The following GALNTL6 variants were observed in gnomAD, a reference collection of about 807,000 sequenced individuals.
GALNTL6 encodes polypeptide N-acetylgalactosaminyltransferase-like 6.
A neutral mutation model predicts 73.7 loss-of-function variants in GALNTL6; 46 were observed. That is an observed-to-expected ratio of 0.62 (90% CI 0.49 to 0.80). The LOEUF (loss-of-function observed/expected upper bound fraction) is 0.80, where lower values mean the gene tolerates loss of function less well. GALNTL6 is among the 30% of genes least tolerant of loss of function. The pLI, the probability that GALNTL6 is intolerant of heterozygous loss-of-function variation, is 0.00. For missense variants in GALNTL6, 604 were observed against 755.0 expected (o/e 0.80, Z 2.34); for synonymous variants, 259 against 263.7 (o/e 0.98, Z 0.17).
intron 7 of GALNTL6, among the ~76,000 whole-genome samples, chr4:172,870,484 G>A (rs1744868821): frequency 6.6e-6 from 1 of 152,158 alleles, no homozygotes; most frequent in Admixed American, 6.5e-5. Flanking sequence ...CGTTTCTTCT[G>A]TATTTTACAA....
intron 5 of GALNTL6, among the ~76,000 whole-genome samples, chr4:172,612,295 A>C (rs1048471662): frequency 6.6e-6 from 1 of 152,118 alleles, no homozygotes; most frequent in African/African-American, 2.4e-5. Context: ...TATGTCAAAT[A>C]TGAATCGGTA....
At chr4:172,737,482 T>A (rs1223305249) in intron 5 of GALNTL6, among the ~76,000 whole-genome samples, 3 of 152,162 alleles carry the variant, frequency 2.0e-5, no homozygotes, top group African/African-American at 7.2e-5. Context: ...ATTATTTCAA[T>A]TTTTTGCTAA....
At chr4:171,986,681 A>T (rs1031478376) in intron 2 of GALNTL6, among the ~76,000 whole-genome samples, 8 of 152,114 alleles carry the variant, frequency 5.3e-5, no homozygotes, top group African/African-American at 1.9e-4. Flanking sequence ...TTGTTAGAAG[A>T]AACATTTATT....
chr4:171,969,395 C>T (rs538695579), intron 2 of GALNTL6, among the ~76,000 whole-genome samples: 15 of 152,274 alleles, frequency 9.9e-5, no homozygotes, highest in South Asian at 4.1e-4. Context: ...AGGATTACAT[C>T]ACCATGTGTA....
Position 172,507,415 on chromosome 4 carries a change from G to A in GALNTL6, c.553+158726G>A, listed in dbSNP as rs139126522. 3.6e-3 allele frequency among the ~76,000 whole-genome samples: 196 copies of A among 53,890 alleles called. 95 individuals carry two copies. The East Asian group carries it at 0.47, about 130-fold the overall frequency. The allele number at this position is 53,890 out of a possible 152,430, so 35.4% of individuals were successfully genotyped here. ...GGAGGCAGAAGGGCAGAAGAAGGTCGGGAAAAAACCTCTGAGGCTGTTTAT... is the reference window on the plus strand; with the variant it reads ...GGAGGCAGAAGGGCAGAAGAAGGTCAGGAAAAAACCTCTGAGGCTGTTTAT... On this transcript the variant is annotated intron_variant, in intron 5 of 12. Transcript: ENST00000506823.
At chr4:172,967,865 C>T (rs913890056) in intron 10 of GALNTL6, among the ~76,000 whole-genome samples, 4 of 152,132 alleles carry the variant, frequency 2.6e-5, no homozygotes, top group East Asian at 1.9e-4. Flanking sequence ...CCAAGAATAA[C>T]GGGGGACTAC....
chr4:172,375,923 C>A (rs1476987455), intron 5 of GALNTL6, among the ~76,000 whole-genome samples: 1 of 152,184 alleles, frequency 6.6e-6, no homozygotes, highest in Non-Finnish European at 1.5e-5. Context: ...GGGCCATACC[C>A]TGAGGGAGGG....
intron 10 of GALNTL6, among the ~76,000 whole-genome samples, chr4:172,981,851 G>C (rs1407354327): frequency 1.4e-5 from 2 of 144,754 alleles, no homozygotes; most frequent in Admixed American, 7.0e-5. Flanking sequence ...TGCCCAGGCT[G>C]GAGTGCAGTG....
At chr4:171,833,303 C>T (rs934129112) in intron 2 of GALNTL6, among the ~76,000 whole-genome samples, 2 of 151,552 alleles carry the variant, frequency 1.3e-5, no homozygotes, top group Non-Finnish European at 3.0e-5. Context: ...TTGCTGACAA[C>T]AAATGGTATC....
At chr4:171,865,410 T>C (rs921787528) in intron 2 of GALNTL6, among the ~76,000 whole-genome samples, 1 of 152,116 alleles carries the variant, frequency 6.6e-6, no homozygotes, top group Non-Finnish European at 1.5e-5. Flanking sequence ...GAGGAACTAA[T>C]AGAAAAACTG....
chr4:172,391,219 T>A (rs1743654934), intron 5 of GALNTL6, among the ~76,000 whole-genome samples: 1 of 152,234 alleles, frequency 6.6e-6, no homozygotes, highest in African/African-American at 2.4e-5. Context: ...GGGTCTGGTC[T>A]CTGCTTTCAA....
At chr4:172,834,397 G>A (rs1254456013) in intron 7 of GALNTL6, among the ~76,000 whole-genome samples, 3 of 152,212 alleles carry the variant, frequency 2.0e-5, no homozygotes, top group Non-Finnish European at 2.9e-5. Context: ...CCATTACAGC[G>A]AGGTAAGCAT....
chr4:171,982,668 C>T (rs1188185793), intron 2 of GALNTL6, among the ~76,000 whole-genome samples: 2 of 152,136 alleles, frequency 1.3e-5, no homozygotes, highest in African/African-American at 2.4e-5. Flanking sequence ...CCACATCAAC[C>T]CCTTGATAGT....
intron 5 of GALNTL6, among the ~76,000 whole-genome samples, chr4:172,770,510 G>A (rs965799939): frequency 2.0e-5 from 3 of 152,138 alleles, no homozygotes; most frequent in Non-Finnish European, 4.4e-5. Flanking sequence ...ACTTACTTGC[G>A]ATTTTAAATC....
At chr4:172,524,593 G>A (rs1198324570) in intron 5 of GALNTL6, among the ~76,000 whole-genome samples, 2 of 152,116 alleles carry the variant, frequency 1.3e-5, no homozygotes, top group African/African-American at 2.4e-5. Flanking sequence ...GTTATAACTA[G>A]TGCTGCTAGG....
chr4:172,580,125 A>G (rs1303030438), intron 5 of GALNTL6, among the ~76,000 whole-genome samples: 2 of 152,194 alleles, frequency 1.3e-5, no homozygotes, highest in African/African-American at 2.4e-5. Context: ...AAATCTGACA[A>G]ATATTTCTAA....
chr4:172,255,672 A>T (rs1738049586), intron 3 of GALNTL6, among the ~76,000 whole-genome samples: 1 of 151,464 alleles, frequency 6.6e-6, no homozygotes, highest in African/African-American at 2.4e-5. Flanking sequence ...TACGTTGAAA[A>T]TATATACACC....
intron 2 of GALNTL6, among the ~76,000 whole-genome samples, chr4:171,901,782 T>C (rs1309932094): frequency 6.6e-6 from 1 of 152,172 alleles, no homozygotes. Flanking sequence ...AATCAAGATA[T>C]CTTCTAACTA....
intron 5 of GALNTL6, among the ~76,000 whole-genome samples, chr4:172,610,241 G>T (rs1266875681): frequency 6.6e-6 from 1 of 151,938 alleles, no homozygotes; most frequent in Non-Finnish European, 1.5e-5. Flanking sequence ...TTTGGAGTTG[G>T]TCTGCTGTTG....
Sources: allele counts gnomAD v4.1 joint callset (sites outside exome capture counted in the v4.1 genomes callset), GRCh38; gene constraint gnomAD v4.1.1; transcripts MANE v1.5; gene names NCBI Gene and HGNC (gene_info 2026-07-23, HGNC 2026-07-21).